HEATR4: variants seen among roughly 807,000 people sequenced by gnomAD.
The protein encoded by HEATR4 is HEAT repeat-containing protein 4.
In HEATR4, 95 loss-of-function variants were observed where a neutral mutation model predicts 108.8. That is an observed-to-expected ratio of 0.87 (90% confidence interval 0.74 to 1.04). The LOEUF is 1.04. Among genes scored for constraint, HEATR4 ranks in the 50% least tolerant of loss-of-function variants. The pLI, the probability that HEATR4 is intolerant of heterozygous loss-of-function variation, is 0.00. For missense variants in HEATR4, 1,152 were observed against 1,253.8 expected, an observed-to-expected ratio of 0.92 and a Z score of 1.23; for synonymous variants, 443 against 459.4, an observed-to-expected ratio of 0.96 and a Z score of 0.46.
At chr14:73,541,141 A>T (rs890373788) in intron 1 of HEATR4, among the ~76,000 whole-genome samples, 1 of 112,982 alleles carries the variant, frequency 8.9e-6, no homozygotes, top group Non-Finnish European at 1.9e-5. Flanking sequence ...TAGCCTTTTG[A>T]GTCTGTCTCC....
At chr14:73,619,917 C>CTT in the HEATR4 span, 2 of 1,348,570 alleles carry the variant, frequency 1.5e-6, no homozygotes, top group Non-Finnish European at 2.0e-6. Flanking sequence ...TCTTTCTTTT[C>CTT]TCTTTTTTTT....
the HEATR4 span, chr14:73,619,880 T>C: frequency 6.6e-7 from 1 of 1,516,456 alleles, no homozygotes; most frequent in Non-Finnish European, 8.8e-7. Context: ...AAAAATCCTA[T>C]TCATACAACT....
At chr14:73,504,654 T>C (rs1257485095) in intron 10 of HEATR4, among the ~76,000 whole-genome samples, 2 of 152,184 alleles carry the variant, frequency 1.3e-5, no homozygotes, top group African/African-American at 4.8e-5. Flanking sequence ...CCAAAACCTT[T>C]TCAGGTGATT....
the HEATR4 span, chr14:73,593,676 T>A: frequency 6.4e-7 from 1 of 1,573,514 alleles, no homozygotes; most frequent in South Asian, 1.1e-5. Flanking sequence ...TATAATGGCT[T>A]ACATTTATAA....
chr14:73,573,568 A>G, the HEATR4 span: 1 of 1,613,694 alleles, frequency 6.2e-7, no homozygotes, highest in African/African-American at 1.3e-5. Flanking sequence ...GAAGCCATGA[A>G]CTACTTGCTC....
chr14:73,491,568 C>G, intron 17 of HEATR4: 1 of 1,541,242 alleles, frequency 6.5e-7, no homozygotes, highest in Non-Finnish European at 8.7e-7. Flanking sequence ...TGGGACTCCC[C>G]GCTGCGGCGC....
chr14:73,569,700 C>CGG, the HEATR4 span: 1 of 1,609,520 alleles, frequency 6.2e-7, no homozygotes, highest in Non-Finnish European at 8.5e-7. Context: ...ACCTTTGGTG[C>CGG]GGCTGGTGAA....
At chr14:73,581,132 C>CTTTTTTTTTTTT in the HEATR4 span, 4 of 144,310 alleles carry the variant, frequency 2.8e-5, no homozygotes, top group Non-Finnish European at 4.6e-5. Context: ...TCACCTCACA[C>CTTTTTTTTTTTT]TTTTTTTTTT....
the HEATR4 span, among the ~76,000 whole-genome samples, chr14:73,567,041 T>C: frequency 1.3e-5 from 2 of 151,848 alleles, no homozygotes; most frequent in African/African-American, 4.8e-5. Context: ...TCTCCTGACC[T>C]CATGATCCAC....
At chr14:73,490,639 C>G (rs7146462) in intron 17 of HEATR4, among the ~76,000 whole-genome samples, 117,051 of 152,074 alleles carry the variant, frequency 0.77, 45,395 homozygotes, top group East Asian at 0.86. Context: ...AGTTTTAGTA[C>G]AGACGGGGTT....
chr14:73,623,683 TAAAG>T, the HEATR4 span, among the ~76,000 whole-genome samples: 1 of 151,844 alleles, frequency 6.6e-6, no homozygotes. Context: ...CTCTAAAAAA[TAAAG>T]AGAAATTTGC....
the HEATR4 span, among the ~76,000 whole-genome samples, chr14:73,583,966 A>T: frequency 6.6e-6 from 1 of 151,562 alleles, no homozygotes; most frequent in Non-Finnish European, 1.5e-5. Flanking sequence ...ACGCCATTGC[A>T]CTCCAGCCTG....
the HEATR4 span, among the ~76,000 whole-genome samples, chr14:73,615,400 A>C: frequency 2.1e-5 from 3 of 143,568 alleles, no homozygotes; most frequent in Non-Finnish European, 3.0e-5. Context: ...AAAAAAAAAA[A>C]AAAAAAACAA....
chr14:73,569,598 G>T, the HEATR4 span: 1 of 1,601,856 alleles, frequency 6.2e-7, no homozygotes, highest in Non-Finnish European at 8.5e-7. Context: ...CGACACTCTT[G>T]GCGAGCTGGA....
At chr14:73,511,405 G>C (rs1425227639) in intron 7 of HEATR4, among the ~76,000 whole-genome samples, 2 of 151,824 alleles carry the variant, frequency 1.3e-5, no homozygotes, top group Non-Finnish European at 2.9e-5. Flanking sequence ...TGTAGTCCCA[G>C]CTACTCGGGA....
chr14:73,586,007 G>A, the HEATR4 span, among the ~76,000 whole-genome samples: 4 of 84,234 alleles, frequency 4.7e-5, no homozygotes, highest in Admixed American at 3.2e-4. Context: ...AGACTCTGTC[G>A]CAAAAAAAAA....
At chr14:73,547,618 C>T (rs1186444494) in intron 1 of HEATR4, among the ~76,000 whole-genome samples, 1 of 115,884 alleles carries the variant, frequency 8.6e-6, no homozygotes, top group Non-Finnish European at 1.9e-5. Flanking sequence ...GGCACAGTAG[C>T]TCACGCCTGT....
chr14:73,576,590 C>T, the HEATR4 span, among the ~76,000 whole-genome samples: 1 of 151,398 alleles, frequency 6.6e-6, no homozygotes, highest in Non-Finnish European at 1.5e-5. Flanking sequence ...ATTGCTTGAG[C>T]TCAGGAGTTC....
chr14:73,561,838 A>C (rs964953077), upstream of HEATR4, among the ~76,000 whole-genome samples: 1 of 151,998 alleles, frequency 6.6e-6, no homozygotes, highest in Non-Finnish European at 1.5e-5. Context: ...CTTAAAAAGT[A>C]TCCAGGTGAG....
Sources: gnomAD v4.1 joint callset for allele counts (sites outside exome capture counted in the v4.1 genomes callset) on GRCh38, gnomAD v4.1.1 for gene constraint, MANE v1.5 for transcripts, NCBI Gene and HGNC (gene_info 2026-07-23, HGNC 2026-07-21) for gene names.